Variants in NOMO1 observed in about 807,000 individuals in gnomAD.
NOMO1 encodes the protein NODAL modulator 1, also known as nodal modulator 3.
A neutral mutation model predicts 133.8 loss-of-function variants in NOMO1; 40 were observed. That is an observed-to-expected ratio of 0.30 (90% CI 0.23 to 0.39). The LOEUF (loss-of-function observed/expected upper bound fraction) is 0.39. NOMO1 is among the 10% of genes least tolerant of loss of function. NOMO1 has a pLI of 1.00. For synonymous variants in NOMO1, 236 were observed against 570.5 expected, an observed-to-expected ratio of 0.41 and a Z score of 8.36; for missense variants, 462 against 1,419.9, an observed-to-expected ratio of 0.33 and a Z score of 10.84.
intron 29 of NOMO1, among the ~76,000 whole-genome samples, chr16:14,893,604 T>G (rs1441109591): frequency 6.6e-6 from 1 of 151,894 alleles, no homozygotes; most frequent in Non-Finnish European, 1.5e-5. Context: ...CCCTTATTCT[T>G]TCATTTATGA....
intron 1 of NOMO1, among the ~76,000 whole-genome samples, chr16:14,836,807 GC>G (rs1383346787): frequency 6.8e-6 from 1 of 147,308 alleles, no homozygotes; most frequent in Non-Finnish European, 1.5e-5. Context: ...CCGGGTTCAC[GC>G]CATTCTCCTG....
At chr16:14,887,095 C>G (rs1329668662) in intron 28 of NOMO1, among the ~76,000 whole-genome samples, 1 of 152,054 alleles carries the variant, frequency 6.6e-6, no homozygotes, top group African/African-American at 2.4e-5. Context: ...GACATAAGCC[C>G]ATCATCCAGA....
intron 4 of NOMO1, among the ~76,000 whole-genome samples, chr16:14,845,588 G>T (rs980181165): frequency 6.6e-6 from 1 of 151,970 alleles, no homozygotes; most frequent in Non-Finnish European, 1.5e-5. Context: ...CCGCGATTCA[G>T]ATTCTCAGGG....
rs905591079 is a variant in NOMO1, at chr16:14,853,694, G to A, written c.873+90G>A. ...CTGTTTGGGTGTTAAAGGAAAAGAT[G>A]GTTGGCCTGCAGTTCTCTGAACACG... On this transcript the variant is annotated intron_variant, in intron 8 of 30. Coordinates refer to ENST00000287667, the MANE Select transcript of NOMO1 (RefSeq NM_014287.4). 3.8e-6 allele frequency: 6 copies of A among 1,561,408 alleles called. 1 individual carries two copies. In the African/African-American group the frequency reaches 8.2e-5, roughly 21 times the overall value.
chr16:14,882,504 T>C, intron 25 of NOMO1, 90 bp from the exon 26 acceptor site: 1 of 1,571,002 alleles, frequency 6.4e-7, no homozygotes, highest in South Asian at 1.1e-5. Context: ...GCTCCTGTCT[T>C]AATGATCTCG....
chr16:14,866,252 G>A (rs1385483705), intron 14 of NOMO1, among the ~76,000 whole-genome samples: 1 of 149,244 alleles, frequency 6.7e-6, no homozygotes, highest in Non-Finnish European at 1.5e-5. Context: ...TAGAGATGGG[G>A]TTTTGCTATG....
intron 11 of NOMO1, among the ~76,000 whole-genome samples, chr16:14,858,604 G>A (rs1439180381): frequency 2.6e-5 from 4 of 152,018 alleles, no homozygotes; most frequent in South Asian, 4.1e-4. Context: ...TGTAAAGCTG[G>A]GTGCTACTGA....
At chr16:14,871,911 CTG>C (rs1964087225) in intron 17 of NOMO1, among the ~76,000 whole-genome samples, 1 of 151,314 alleles carries the variant, frequency 6.6e-6, no homozygotes, top group Admixed American at 6.6e-5. Flanking sequence ...GGATAGAGGG[CTG>C]TGTTTTTGAA....
At chr16:14,871,052 T>G (rs1289438199) in intron 16 of NOMO1, among the ~76,000 whole-genome samples, 1 of 149,396 alleles carries the variant, frequency 6.7e-6, no homozygotes, top group Non-Finnish European at 1.5e-5. Context: ...TATTGGTTAA[T>G]GATGATTTGG....
In NOMO1 at chr16:14,875,191, C is replaced by A. The variant is rs560147886; in HGVS notation, c.2210C>A (p.Pro737His). The change falls in exon 19 of 31, where the codon CCC becomes CAC. Residue 737 changes from proline to histidine, a missense_variant. Coordinates refer to ENST00000287667, the MANE Select transcript of NOMO1 (RefSeq NM_014287.4). ...EEGEERMTKPPVQEMVDELQG... is the reference protein window; with the variant it reads ...EEGEERMTKPHVQEMVDELQG... ...GGCGAAGAAAGAATGACCAAGCCTC[C>A]CGTGCAGGAGATGGTAGATGAGTTA... 1 of 1,613,650 alleles carries A rather than the reference C, an allele frequency of 6.2e-7. No individual in the cohort carries two copies. Among genetic ancestry groups the A allele is most frequent in the East Asian group, 2.2e-5 (1 of 44,866 alleles).
At chr16:14,859,719 A>T (rs1963894440) in intron 11 of NOMO1, among the ~76,000 whole-genome samples, 1 of 152,134 alleles carries the variant, frequency 6.6e-6, no homozygotes. Flanking sequence ...GATAAAAATT[A>T]AAAAATAAAA....
rs1182663873 is a variant in NOMO1, at chr16:14,857,603, A to C, written c.1168A>C (p.Thr390Pro). 5.0e-6 allele frequency: 8 copies of C among 1,613,226 alleles called. No homozygotes were observed. The highest frequency in any genetic ancestry group is 2.2e-5 in the East Asian group (1 of 44,832). The change falls in exon 11 of 31, where the codon ACC (threonine) becomes CCC (proline). Residue 390 changes from threonine to proline, a missense_variant. By Grantham distance (38) the Thr-to-Pro change is conservative (BLOSUM62 -1). Coordinates refer to ENST00000287667, the MANE Select transcript of NOMO1 (RefSeq NM_014287.4). The part of the protein sequence containing the change: ...QKEHLYFETV[T>P]IKIAPNTPQL... ...AGAGCACCTCTACTTTGAAACGGTC[A>C]CCATCAAAATTGCACCGAACACACC...
At position 14,839,792 on chromosome 16, in the gene NOMO1, A is replaced by G. The variant is rs566432602; in HGVS notation, c.255+1296A>G. On this transcript the variant is annotated intron_variant, in intron 2 of 30. Coordinates refer to ENST00000287667, the MANE Select transcript of NOMO1 (RefSeq NM_014287.4). ...AGTGTCACTCTGTCAGCCAGGCTGG[A>G]GTGCAGTGGCGCGATCTCGGCTCAC... is the stretch of plus-strand genomic sequence containing the variant. Among the ~76,000 whole-genome samples the G allele has an allele frequency of 2.4e-3, 355 of 150,720 alleles. 4 individuals are homozygous for G. The highest frequency in any genetic ancestry group is 8.4e-3 in the African/African-American group (344 of 40,832).
intron 4 of NOMO1, among the ~76,000 whole-genome samples, chr16:14,845,650 C>T (rs1284585984): frequency 6.6e-6 from 1 of 151,840 alleles, no homozygotes; most frequent in African/African-American, 2.4e-5. Flanking sequence ...GATGTGCTTC[C>T]TTCCTTCCTG....
intron 5 of NOMO1, among the ~76,000 whole-genome samples, chr16:14,846,886 A>G (rs1963690066): frequency 6.7e-6 from 1 of 148,908 alleles, no homozygotes; most frequent in Non-Finnish European, 1.5e-5. Flanking sequence ...AGCATTGATG[A>G]GATGATTAAA....
rs765189747 is a variant in NOMO1, at chr16:14,838,487, G to A, written c.246G>A (p.Leu82=). 5 of 1,611,606 alleles carry A rather than the reference G, an allele frequency of 3.1e-6. No homozygotes were observed. The South Asian group carries it at 4.4e-5, about 14-fold the overall frequency. The change falls in exon 2 of 31, where the codon TTG becomes TTA. Residue 82 remains leucine, a synonymous_variant. Transcript: ENST00000287667. Reference sequence around the variant, plus strand: ...ATAATGGTTACTTTATGATCCCTTTGTATGATAAGGTAAGAGGGGACTGCT... The same window carrying A: ...ATAATGGTTACTTTATGATCCCTTTATATGATAAGGTAAGAGGGGACTGCT... The part of the protein sequence containing the change: ...APNNGYFMIP[L]YDKGDFILKI...
At chr16:14,862,935 G>A (rs1963940768) in intron 11 of NOMO1, 78 bp from the exon 12 acceptor site, 1 of 1,605,256 alleles carries the variant, frequency 6.2e-7, no homozygotes, top group Non-Finnish European at 8.5e-7. Context: ...GGAGAGGGCT[G>A]CATCTTTTTT....
At chr16:14,838,222 T>A (rs1425430362) in intron 1 of NOMO1, among the ~76,000 whole-genome samples, 185 bp from the exon 2 acceptor site, 11 of 151,970 alleles carry the variant, frequency 7.2e-5, no homozygotes. Flanking sequence ...TGAAAAACAT[T>A]GAGTCACATG....
At chr16:14,836,276 C>G (rs1963507248) in intron 1 of NOMO1, among the ~76,000 whole-genome samples, 2 of 152,012 alleles carry the variant, frequency 1.3e-5, no homozygotes, top group Admixed American at 1.3e-4. Flanking sequence ...CTAGAGTAAG[C>G]TAGACACTGT....
Sources: allele counts gnomAD v4.1 joint callset (sites outside exome capture counted in the v4.1 genomes callset), GRCh38; gene constraint gnomAD v4.1.1; transcripts MANE v1.5; gene names NCBI Gene and HGNC (gene_info 2026-07-23, HGNC 2026-07-21).